The following VRK3 variants were observed in gnomAD, a reference collection of about 807,000 sequenced individuals.
VRK3 encodes VRK serine/threonine kinase 3, also known as serine/threonine-protein kinase VRK3.
Under a neutral mutation model 60.4 loss-of-function variants are expected in VRK3, and 50 were observed. The observed-to-expected ratio is 0.83, with a 90% CI of 0.66 to 1.05. The LOEUF (loss-of-function observed/expected upper bound fraction) is 1.05. Ranked by LOEUF, VRK3 falls within the 50% of genes least tolerant of loss-of-function variation. VRK3 has a pLI of 0.00. For synonymous variants in VRK3, 246 were observed against 227.8 expected (o/e 1.08, Z -0.72); for missense variants, 549 against 585.3 (o/e 0.94, Z 0.64).
intron 3 of VRK3, among the ~76,000 whole-genome samples, chr19:50,011,282 T>A (rs1468369191): frequency 6.6e-6 from 1 of 152,194 alleles, no homozygotes; most frequent in Admixed American, 6.5e-5. Context: ...ACCACTTAGC[T>A]CTATATTTTA....
At chr19:50,012,906 A>T (rs534170923) in intron 3 of VRK3, among the ~76,000 whole-genome samples, 69 of 151,494 alleles carry the variant, frequency 4.6e-4, no homozygotes, top group African/African-American at 8.0e-4. Context: ...AGTGGCTCAC[A>T]CCTATAATCC....
intron 6 of VRK3, chr19:49,999,442 C>T (rs283516): frequency 0.019 from 2,828 of 152,458 alleles, 30 homozygotes; most frequent in African/African-American, 0.027. Flanking sequence ...GGGTCTGACC[C>T]ATCTCTGCAG....
chr19:50,016,387 G>A (rs1307188136), intron 2 of VRK3, among the ~76,000 whole-genome samples: 2 of 152,234 alleles, frequency 1.3e-5, no homozygotes, highest in Non-Finnish European at 2.9e-5. Context: ...TTCCCTTGCA[G>A]CAAGGTAGAG....
At chr19:49,988,127 G>A in intron 12 of VRK3, 1 of 382,834 alleles carries the variant, frequency 2.6e-6, no homozygotes, top group Non-Finnish European at 4.8e-6. Flanking sequence ...AGGACACTGA[G>A]GCTCGCAGAC....
Position 49,979,137 on chromosome 19 carries a change from C to T in VRK3, c.1382G>A (p.Arg461His), listed in dbSNP as rs368425122. Residue 461 changes from arginine (R) to histidine (H), a missense_variant, in exon 14 of 15, where the codon CGT becomes CAT. Transcript: ENST00000316763. ...NNLEALLQDL[R>H]VSPYDPIGLP... ...GCCAATGGGGTCATATGGAGACACA[C>T]GCAGATCCTGCAGCAAAGCTTCTAG... 293 of 1,613,924 alleles carry T rather than the reference C, an allele frequency of 1.8e-4. 5 individuals carry two copies. In the South Asian group the frequency reaches 2.3e-3, roughly 13 times the overall value.
intron 5 of VRK3, among the ~76,000 whole-genome samples, chr19:50,003,045 G>A (rs1266623426): frequency 6.6e-6 from 1 of 152,172 alleles, no homozygotes; most frequent in South Asian, 2.1e-4. Flanking sequence ...CCCTGTGAGG[G>A]CAGTAGCATT....
chr19:49,978,812 T>C (rs966574159), intron 14 of VRK3: 4 of 340,592 alleles, frequency 1.2e-5, no homozygotes, highest in Non-Finnish European at 2.1e-5. Flanking sequence ...CTGAATCCCG[T>C]TGTGCCTGAA....
chr19:50,008,460 G>A (rs1004491090), intron 4 of VRK3, among the ~76,000 whole-genome samples: 2 of 152,182 alleles, frequency 1.3e-5, no homozygotes, highest in Non-Finnish European at 2.9e-5. Context: ...GGGCCCAGAG[G>A]ATAATGAGGA....
intron 7 of VRK3, 35 bp downstream of exon 7, chr19:49,997,469 A>T (rs1168452967): frequency 3.7e-6 from 6 of 1,607,474 alleles, no homozygotes; most frequent in South Asian, 1.1e-5. Context: ...CGCCCCCCTC[A>T]CTCTCCCCTC....
At chr19:49,998,708 T>C (rs1414818079) in intron 6 of VRK3, 3 of 151,806 alleles carry the variant, frequency 2.0e-5, no homozygotes, top group Non-Finnish European at 4.4e-5. Flanking sequence ...AGTGACTGAG[T>C]CTCCATTTCC....
chr19:49,979,452 G>A (rs988817101), intron 13 of VRK3, among the ~76,000 whole-genome samples: 1 of 152,210 alleles, frequency 6.6e-6, no homozygotes, highest in Non-Finnish European at 1.5e-5. Flanking sequence ...ACCAGTAGAA[G>A]GGCATGAACA....
rs1209434268 is a variant in VRK3, at chr19:50,000,838, G to A, written c.564C>T (p.Thr188=). Residue 188 remains threonine (T), a synonymous_variant, in exon 6 of 15, where the codon ACC becomes ACT. Coordinates refer to ENST00000316763, the MANE Select transcript of VRK3 (RefSeq NM_016440.4). ...GILYEAAPTS[T]LTCDSGPQKQ... is the part of the protein sequence containing the mutation. Reference sequence around the variant, plus strand: ...TCTGTGGTCCTGAGTCACAGGTGAGGGTGGAGGTGGGTGCAGCTGTGGGGG... The same window carrying A: ...TCTGTGGTCCTGAGTCACAGGTGAGAGTGGAGGTGGGTGCAGCTGTGGGGG... 2 of 1,613,970 alleles carry A rather than the reference G, an allele frequency of 1.2e-6. No individual in the cohort carries two copies. Among genetic ancestry groups the A allele is most frequent in the African/African-American group, 1.3e-5 (1 of 75,054 alleles).
At chr19:49,994,988 T>A in intron 8 of VRK3, 69 bp from the exon 9 acceptor site, 4 of 1,474,544 alleles carry the variant, frequency 2.7e-6, no homozygotes, top group Non-Finnish European at 3.7e-6. Context: ...CCGCCAAGGA[T>A]GGACTGTTGC....
intron 5 of VRK3, among the ~76,000 whole-genome samples, chr19:50,003,179 C>A (rs2076837298): frequency 6.6e-6 from 1 of 152,168 alleles, no homozygotes; most frequent in Non-Finnish European, 1.5e-5. Flanking sequence ...TGCCCCATGC[C>A]TTCCACCTCC....
chr19:49,984,992 T>A (rs976268395), intron 12 of VRK3, among the ~76,000 whole-genome samples: 2 of 152,116 alleles, frequency 1.3e-5, no homozygotes, highest in Non-Finnish European at 2.9e-5. Context: ...TGTGTGTGTG[T>A]CACAGGGAAT....
At position 49,988,403 on chromosome 19, in the gene VRK3, TG is replaced by T. The variant is rs573877944; in HGVS notation, c.1185del (p.Asn396ThrfsTer6). 1 of 1,613,344 alleles carries T rather than the reference TG, an allele frequency of 6.2e-7. No individual in the cohort carries two copies. Among genetic ancestry groups the T allele is most frequent in the South Asian group, 1.1e-5 (1 of 91,058 alleles). On this transcript the variant is annotated frameshift_variant, in exon 12 of 15. Transcript: ENST00000316763. LOFTEE classifies it high-confidence loss of function. The part of the protein sequence containing the change: ...YGFLPWTNCL[P>X]NTEDIMKQKQ... ...TTTTGCTTCATGATGTCCTCAGTGT[TG>T]GGAAGGCAATTTGTCCATGGCAGAA...
intron 1 of VRK3, among the ~76,000 whole-genome samples, chr19:50,024,241 T>G (rs1220720984): frequency 6.6e-6 from 1 of 152,144 alleles, no homozygotes; most frequent in African/African-American, 2.4e-5. Flanking sequence ...CCCAGCCAAA[T>G]TTTTTGGATT....
chr19:49,977,763 C>T (rs1421890305), intron 14 of VRK3, among the ~76,000 whole-genome samples: 2 of 152,044 alleles, frequency 1.3e-5, no homozygotes, highest in Admixed American at 6.5e-5. Flanking sequence ...AGCTGTGTAT[C>T]GAGCTGGAGA....
chr19:50,006,351 C>T (rs1036887062), intron 5 of VRK3, among the ~76,000 whole-genome samples: 1 of 150,320 alleles, frequency 6.7e-6, no homozygotes, highest in Non-Finnish European at 1.5e-5. Context: ...AAAAGAATAA[C>T]TTTTTGTTTG....
Sources: allele counts gnomAD v4.1 joint callset (sites outside exome capture counted in the v4.1 genomes callset), GRCh38; gene constraint gnomAD v4.1.1; transcripts MANE v1.5; gene names NCBI Gene and HGNC (gene_info 2026-07-23, HGNC 2026-07-21).